The following PDZK1 variants were observed in gnomAD, a reference collection of about 807,000 sequenced individuals.
PDZK1 encodes the protein Na(+)/H(+) exchange regulatory cofactor NHE-RF3.
Under a neutral mutation model 38.1 loss-of-function variants are expected in PDZK1, and 23 were observed. The ratio of observed to expected loss-of-function variants is 0.60; its 90% CI spans 0.43 to 0.85. PDZK1 has a LOEUF of 0.85. PDZK1 is among the 40% of genes least tolerant of loss of function. PDZK1 has a pLI of 0.00. For missense variants in PDZK1, 297 were observed against 504.3 expected, an observed-to-expected ratio of 0.59 and a Z score of 3.94; for synonymous variants, 98 against 186.2, an observed-to-expected ratio of 0.53 and a Z score of 3.86.
chr1:145,698,249 A>G (rs782667584), intron 1 of PDZK1, among the ~76,000 whole-genome samples: 1 of 152,080 alleles, frequency 6.6e-6, no homozygotes, highest in East Asian at 1.9e-4. Context: ...TCATGAGAAG[A>G]CAACTGCCTG....
intron 1 of PDZK1, among the ~76,000 whole-genome samples, chr1:145,703,832 T>C (rs932763449): frequency 6.6e-6 from 1 of 152,134 alleles, no homozygotes; most frequent in East Asian, 1.9e-4. Context: ...TAAGCTTTTT[T>C]TTTTTGGCCA....
intron 1 of PDZK1, among the ~76,000 whole-genome samples, chr1:145,705,305 G>C (rs141166992): frequency 7.2e-5 from 11 of 152,184 alleles, no homozygotes; most frequent in African/African-American, 2.6e-4. Context: ...TGGCCAAGCT[G>C]GTCTTGAACT....
intron 2 of PDZK1, 149 bp downstream of exon 2, chr1:145,687,663 C>T: frequency 1.5e-6 from 1 of 669,244 alleles, no homozygotes; most frequent in Non-Finnish European, 2.6e-6. Flanking sequence ...CTTGATTGGC[C>T]AACACAAGGT....
intron 1 of PDZK1, 86 bp downstream of exon 1, chr1:145,707,230 GA>G: frequency 6.6e-6 from 1 of 152,322 alleles, no homozygotes; most frequent in Non-Finnish European, 1.5e-5. Flanking sequence ...TACTGGCTTG[GA>G]AAAAGAAAAA....
chr1:145,690,647 C>T (rs1197248138), intron 1 of PDZK1, among the ~76,000 whole-genome samples: 4 of 152,122 alleles, frequency 2.6e-5, no homozygotes, highest in Non-Finnish European at 4.4e-5. Flanking sequence ...ATTTCTAAGG[C>T]ACTCACACCC....
At chr1:145,692,118 A>G (rs1655273817) in intron 1 of PDZK1, among the ~76,000 whole-genome samples, 1 of 152,198 alleles carries the variant, frequency 6.6e-6, no homozygotes, top group South Asian at 2.1e-4. Context: ...GAAGTTAGGA[A>G]GGCTTGGTAA....
At chr1:145,679,335 C>A (rs1484405372) in intron 5 of PDZK1, among the ~76,000 whole-genome samples, 1 of 152,126 alleles carries the variant, frequency 6.6e-6, no homozygotes, top group African/African-American at 2.4e-5. Context: ...GTTAGTGGAG[C>A]AACATCATCC....
intron 1 of PDZK1, among the ~76,000 whole-genome samples, chr1:145,694,023 T>C (rs979148139): frequency 6.6e-6 from 1 of 152,058 alleles, no homozygotes; most frequent in Non-Finnish European, 1.5e-5. Context: ...AGGATAGGAG[T>C]GTGTCACAAC....
chr1:145,698,195 C>T (rs1413068393), intron 1 of PDZK1, among the ~76,000 whole-genome samples: 2 of 152,042 alleles, frequency 1.3e-5, no homozygotes, highest in Non-Finnish European at 2.9e-5. Context: ...ACAGGTAAAT[C>T]AGCGAAGGTG....
chr1:145,693,642 C>T (rs1225263654), intron 1 of PDZK1, among the ~76,000 whole-genome samples: 11 of 151,846 alleles, frequency 7.2e-5, no homozygotes, highest in Admixed American at 2.0e-4. Flanking sequence ...GGCGTGGTGG[C>T]GGGCGCCTGT....
At chr1:145,693,743 C>T (rs782557754) in intron 1 of PDZK1, among the ~76,000 whole-genome samples, 4 of 151,152 alleles carry the variant, frequency 2.6e-5, no homozygotes, top group Non-Finnish European at 5.9e-5. Flanking sequence ...CACTGAACTC[C>T]AGCCTGGGTG....
At chr1:145,677,131 T>C (rs1553699451) in intron 6 of PDZK1, among the ~76,000 whole-genome samples, 3 of 152,218 alleles carry the variant, frequency 2.0e-5, no homozygotes, top group Non-Finnish European at 2.9e-5. Context: ...CAAGTGTCTG[T>C]CAGTTAATTT....
chr1:145,686,284 G>A (rs1252585170), intron 3 of PDZK1, among the ~76,000 whole-genome samples, 193 bp downstream of exon 3: 2 of 152,066 alleles, frequency 1.3e-5, no homozygotes, highest in African/African-American at 4.8e-5. Context: ...CTCCCCCATT[G>A]CACAACTGTG....
intron 1 of PDZK1, among the ~76,000 whole-genome samples, chr1:145,690,716 G>A (rs1655175129): frequency 6.6e-6 from 1 of 152,158 alleles, no homozygotes; most frequent in Non-Finnish European, 1.5e-5. Flanking sequence ...CTCTTTGTTT[G>A]TAGGCCAAGG....
intron 1 of PDZK1, among the ~76,000 whole-genome samples, chr1:145,705,156 T>A (rs1553705523): frequency 6.6e-6 from 1 of 152,110 alleles, no homozygotes; most frequent in East Asian, 1.9e-4. Flanking sequence ...AATGGCACAA[T>A]CTTGGCTCAC....
rs1427078353 is a variant in PDZK1 at position 145,686,483 on chromosome 1, C to G, written c.454G>C (p.Val152Leu). Residue 152 changes from valine to leucine, a missense_variant, in exon 3 of 9, where the codon GTC becomes CTC. Transcript: ENST00000417171. ...GGSYGFSLKT[V>L]QGKKGVYMTD... ...CTCCCCAAAAAATTCTCACCTTGGA[C>G]AGTTTTCAGAGAGAAGCCATAGCTG... The G allele has an allele frequency of 6.2e-7, 1 of 1,611,932 alleles. No individual in the cohort carries two copies. Among genetic ancestry groups the G allele is most frequent in the Admixed American group, 1.7e-5 (1 of 59,998 alleles).
At chr1:145,699,552 A>G (rs1157950612) in intron 1 of PDZK1, among the ~76,000 whole-genome samples, 6 of 152,172 alleles carry the variant, frequency 3.9e-5, no homozygotes, top group Admixed American at 3.9e-4. Context: ...GGAAGATGAA[A>G]TGTTTCAGGG....
chr1:145,698,694 C>T (rs990839988), intron 1 of PDZK1, among the ~76,000 whole-genome samples: 1 of 151,944 alleles, frequency 6.6e-6, no homozygotes, highest in Non-Finnish European at 1.5e-5. Flanking sequence ...TTTGGGAGGC[C>T]GAGACGGGTG....
chr1:145,673,761 C>T lies in PDZK1; in HGVS notation c.1111G>A (p.Glu371Lys). 6.2e-7 allele frequency: 1 copy of T among 1,611,884 alleles called. No homozygotes were observed. The highest frequency in any genetic ancestry group is 8.5e-7 in the Non-Finnish European group (1 of 1,179,820). ...CAGAGTTTAGGCTTATGATCTACTT[C>T]CTCTGTAGTATCTGGTGGACTTGAG... ...EVSSPPDTTE[E>K]VDHKPKLCRL... The change falls in exon 7 of 9, where the codon GAA becomes AAA. Residue 371 changes from glutamate (E) to lysine (K), a missense_variant. By Grantham distance (56) the Glu-to-Lys change is moderately conservative. Around this residue, in one of 5 missense-constraint regions of PDZK1, gnomAD observed 49 missense variants for 135.6 expected, o/e 0.36. Coordinates refer to ENST00000417171, the MANE Select transcript of PDZK1 (RefSeq NM_001201325.2).
Sources: allele counts gnomAD v4.1 joint callset (sites outside exome capture counted in the v4.1 genomes callset), GRCh38; gene constraint gnomAD v4.1.1; regional missense constraint gnomAD v4.1.1; transcripts MANE v1.5; gene names NCBI Gene and HGNC (gene_info 2026-07-23, HGNC 2026-07-21).